ATR: variants seen among roughly 807,000 people sequenced by gnomAD.
The protein encoded by ATR is ATR checkpoint kinase.
ATR carries 142 observed loss-of-function variants against 305.3 expected under a neutral mutation model. The observed-to-expected ratio is 0.47, with a 90% confidence interval of 0.41 to 0.53. The LOEUF (loss-of-function observed/expected upper bound fraction) is 0.53, where lower values mean the gene tolerates loss of function less well. Ranked by LOEUF, ATR falls within the 20% of genes least tolerant of loss-of-function variation. The probability of loss-of-function intolerance (pLI) is 0.00; values close to 1 mark genes in which losing one functional copy is unlikely to be tolerated. For synonymous variants in ATR, 1,050 were observed against 1,068.1 expected (o/e 0.98, Z 0.33); for missense variants, 2,135 against 3,133.1 (o/e 0.68, Z 7.60).
At chr3:142,546,634 G>C (rs754429736) in intron 16 of ATR, among the ~76,000 whole-genome samples, 2 of 152,166 alleles carry the variant, frequency 1.3e-5, no homozygotes, top group Non-Finnish European at 2.9e-5. Flanking sequence ...AGAGGATAAA[G>C]TAGATAATTT....
chr3:142,499,099 T>C, intron 31 of ATR: 1 of 381,454 alleles, frequency 2.6e-6, no homozygotes, highest in South Asian at 2.3e-5. Flanking sequence ...CAGACTGGTC[T>C]AGAGCTCTTG....
At chr3:142,480,576 A>T (rs1045582275) in intron 36 of ATR, among the ~76,000 whole-genome samples, 3 of 152,210 alleles carry the variant, frequency 2.0e-5, no homozygotes, top group African/African-American at 4.8e-5. Flanking sequence ...CTCAGATCTC[A>T]AACTCCGTGC....
chr3:142,487,053 AC>A (rs1319853870), intron 35 of ATR, among the ~76,000 whole-genome samples: 1 of 151,852 alleles, frequency 6.6e-6, no homozygotes, highest in Non-Finnish European at 1.5e-5. Flanking sequence ...ACTGGCCTGA[AC>A]CTGGGAGGCG....
chr3:142,474,546 T>C (rs1201610076), intron 36 of ATR, among the ~76,000 whole-genome samples: 1 of 152,238 alleles, frequency 6.6e-6, no homozygotes, highest in Admixed American at 6.5e-5. Flanking sequence ...TATTAGTGTA[T>C]AGAAATGCTA....
chr3:142,496,470 A>G lies in ATR; in HGVS notation c.5789T>C (p.Val1930Ala), dbSNP rs1174152895. 6.2e-7 allele frequency: 1 copy of G among 1,612,424 alleles called. No individual in the cohort carries two copies. Among genetic ancestry groups the G allele is most frequent in the South Asian group, 1.1e-5 (1 of 90,982 alleles). ...VGECWLQSARVARKAGHHQTA... is the reference protein window; with the variant it reads ...VGECWLQSARAARKAGHHQTA... ...CTGGTGGTGACCAGCCTTTCTAGCT[A>G]CCCTGGCACTCTGCAGCCAGCATTC... Residue 1930 changes from valine (V) to alanine (A), a missense_variant, in exon 34 of 47, where the codon GTA becomes GCA. Val to Ala is a moderately conservative substitution (Grantham distance 64, BLOSUM62 0). Coordinates refer to ENST00000350721, the MANE Select transcript of ATR (RefSeq NM_001184.4).
intron 42 of ATR, 93 bp downstream of exon 42, chr3:142,461,847 A>G: frequency 7.2e-7 from 1 of 1,390,316 alleles, no homozygotes; most frequent in Non-Finnish European, 1.0e-6. Flanking sequence ...GCTTATATCA[A>G]AAAACATATG....
chr3:142,505,169 A>G lies in ATR; in HGVS notation c.5166T>C (p.Tyr1722=), dbSNP rs368448214. 10 of 1,614,074 alleles carry G rather than the reference A, an allele frequency of 6.2e-6. No homozygotes were observed. The African/African-American group carries it at 9.3e-5, about 15-fold the overall frequency. Residue 1722 remains tyrosine, a synonymous_variant, in exon 29 of 47, where the codon TAT becomes TAC. Transcript: ENST00000350721. ...CTGGTTCTAGCTGAATAGCCCTGTC[A>G]TAACAAGCAGTGGCATCCCTCAGCA... The part of the protein sequence containing the change: ...LGLLRDATAC[Y]DRAIQLEPDQ...
intron 27 of ATR, among the ~76,000 whole-genome samples, chr3:142,511,171 T>G (rs761556625): frequency 3.3e-5 from 5 of 151,662 alleles, no homozygotes; most frequent in African/African-American, 7.3e-5. Context: ...ATTTTCCAAG[T>G]GAAGAATGAC....
intron 36 of ATR, among the ~76,000 whole-genome samples, chr3:142,484,214 C>T (rs2030752052): frequency 6.6e-6 from 1 of 152,116 alleles, no homozygotes; most frequent in African/African-American, 2.4e-5. Flanking sequence ...TGCCCCATAT[C>T]CTAGAGGAAG....
chr3:142,499,275 T>G, intron 31 of ATR: 1 of 310,040 alleles, frequency 3.2e-6, no homozygotes, highest in South Asian at 3.0e-5. Flanking sequence ...AGTCTGAATA[T>G]TTATGTCATA....
At chr3:142,501,134 A>G (rs1055587757) in intron 30 of ATR, among the ~76,000 whole-genome samples, 1 of 152,208 alleles carries the variant, frequency 6.6e-6, no homozygotes, top group African/African-American at 2.4e-5. Flanking sequence ...TTGCTTCACC[A>G]TGACACAGCA....
At chr3:142,533,150 GT>G (rs780674930) in intron 21 of ATR, among the ~76,000 whole-genome samples, 20 of 151,966 alleles carry the variant, frequency 1.3e-4, no homozygotes, top group Non-Finnish European at 2.1e-4. Flanking sequence ...AAAAAATTAG[GT>G]GAGCATGGTG....
At chr3:142,504,525 T>C (rs150059835) in intron 29 of ATR, among the ~76,000 whole-genome samples, 2,831 of 151,860 alleles carry the variant, frequency 0.019, 33 homozygotes, top group South Asian at 0.041. Flanking sequence ...TGCAATGGTA[T>C]GATCTTGGCT....
chr3:142,576,902 T>TCG lies in ATR; in HGVS notation c.59+1743_59+1744insCG, dbSNP rs67240775. On this transcript the variant is annotated intron_variant, in intron 1 of 46. Transcript: ENST00000350721. ...CAGCCCATAAATTAGAACACTAATA[T>TCG]CTTTTTTTTTCAGTAGTCTAATTGC... 1.3e-4 allele frequency among the ~76,000 whole-genome samples: 3 copies of TCG among 22,274 alleles called. No homozygotes were observed. The East Asian group carries it at 2.0e-3, about 15-fold the overall frequency. 14.6% of individuals were successfully genotyped at this position (22,274 alleles called of 152,430 possible). A position where few individuals can be genotyped will look rare whatever the true frequency, so the allele number is the denominator to read the frequency against.
At chr3:142,539,344 T>C (rs2033970821) in intron 18 of ATR, among the ~76,000 whole-genome samples, 1 of 152,076 alleles carries the variant, frequency 6.6e-6, no homozygotes, top group Admixed American at 6.5e-5. Flanking sequence ...CATCTTGTCA[T>C]GCCAGAAAGC....
intron 27 of ATR, among the ~76,000 whole-genome samples, chr3:142,509,545 A>ATTTTTTTTTT (rs71629538): frequency 1.4e-5 from 1 of 73,794 alleles, no homozygotes; most frequent in Non-Finnish European, 2.5e-5. Context: ...TCAAATTCTG[A>ATTTTTTTTTT]TTTTTTTTTT....
At chr3:142,550,908 C>T (rs2034448489) in intron 13 of ATR, among the ~76,000 whole-genome samples, 1 of 152,078 alleles carries the variant, frequency 6.6e-6, no homozygotes, top group African/African-American at 2.4e-5. Flanking sequence ...CTGCCTCAGC[C>T]TCCTGAGTAG....
In ATR at chr3:142,502,406, G is replaced by C. The variant is rs368079230; in HGVS notation, c.5288+956C>G. Among the ~76,000 whole-genome samples, 3 of 149,160 alleles carry C rather than the reference G, an allele frequency of 2.0e-5. No homozygotes were observed. In the East Asian group the frequency reaches 5.9e-4, roughly 29 times the overall value. On this transcript the variant is annotated intron_variant, in intron 30 of 46. Transcript: ENST00000350721. ...AGCTATAAAAAAGAATAAAATGGGA[G>C]CTAAACATTGGGTACACATGGACAC...
intron 16 of ATR, among the ~76,000 whole-genome samples, chr3:142,543,572 CCTCT>C (rs763640998): frequency 9.9e-5 from 15 of 151,448 alleles, no homozygotes; most frequent in South Asian, 6.3e-4. Flanking sequence ...TCCCTCCCTC[CCTCT>C]TTCTTTTTCT....
Sources: gnomAD v4.1 joint callset for allele counts (sites outside exome capture counted in the v4.1 genomes callset) on GRCh38, gnomAD v4.1.1 for gene constraint, MANE v1.5 for transcripts, NCBI Gene and HGNC (gene_info 2026-07-23, HGNC 2026-07-21) for gene names.